PDSS2: variants seen among roughly 807,000 people sequenced by gnomAD.
PDSS2 encodes decaprenyl diphosphate synthase subunit 2.
Under a neutral mutation model 44.5 loss-of-function variants are expected in PDSS2, and 31 were observed. The observed-to-expected ratio is 0.70, with a 90% confidence interval of 0.52 to 0.94. The LOEUF (loss-of-function observed/expected upper bound fraction) is 0.94, where lower values mean the gene tolerates loss of function less well. Among genes scored for constraint, PDSS2 ranks in the 40% least tolerant of loss-of-function variants. The pLI, the probability that PDSS2 is intolerant of heterozygous loss-of-function variation, is 0.00. For synonymous variants in PDSS2, 157 were observed against 180.3 expected, an observed-to-expected ratio of 0.87 and a Z score of 1.03; for missense variants, 452 against 482.2, an observed-to-expected ratio of 0.94 and a Z score of 0.59.
At chr6:107,433,937 G>A (rs113791974) in intron 1 of PDSS2, among the ~76,000 whole-genome samples, 19 of 152,096 alleles carry the variant, frequency 1.2e-4, no homozygotes, top group South Asian at 8.3e-4. Flanking sequence ...AAAAATAATC[G>A]AATAATTTGA....
intron 1 of PDSS2, among the ~76,000 whole-genome samples, chr6:107,353,702 A>G (rs1778502419): frequency 1.3e-5 from 2 of 152,274 alleles, no homozygotes; most frequent in South Asian, 4.1e-4. Context: ...CCAGTTCTCG[A>G]AAGTGCCAAA....
chr6:107,204,441 T>C (rs569903258), intron 6 of PDSS2, among the ~76,000 whole-genome samples: 7 of 152,348 alleles, frequency 4.6e-5, no homozygotes, highest in Admixed American at 3.9e-4. Flanking sequence ...TATTTTTACA[T>C]AAACCAGTCT....
At chr6:107,335,027 C>T (rs1342251817) in intron 1 of PDSS2, among the ~76,000 whole-genome samples, 2 of 151,960 alleles carry the variant, frequency 1.3e-5, no homozygotes, top group Non-Finnish European at 2.9e-5. Flanking sequence ...TGGCATGTGC[C>T]TGTAGTCTCA....
At chr6:107,173,592 A>AAAAAAC (rs1562352185) in intron 7 of PDSS2, among the ~76,000 whole-genome samples, 5 of 150,324 alleles carry the variant, frequency 3.3e-5, no homozygotes, top group African/African-American at 1.2e-4. Flanking sequence ...AAAAAAAAAA[A>AAAAAAC]AAAAACGCTT....
intron 1 of PDSS2, among the ~76,000 whole-genome samples, chr6:107,418,311 A>G (rs578238289): frequency 2.6e-5 from 4 of 152,342 alleles, no homozygotes; most frequent in South Asian, 4.1e-4. Flanking sequence ...GTGATGAGGT[A>G]CAAGTCAAAG....
chr6:107,209,479 G>A (rs1198779742), intron 6 of PDSS2, among the ~76,000 whole-genome samples: 1 of 150,894 alleles, frequency 6.6e-6, no homozygotes, highest in Non-Finnish European at 1.5e-5. Flanking sequence ...GGAATTTTAA[G>A]TTGGCAGCCA....
intron 1 of PDSS2, among the ~76,000 whole-genome samples, chr6:107,398,134 T>C (rs1780004009): frequency 6.6e-6 from 1 of 152,208 alleles, no homozygotes; most frequent in Non-Finnish European, 1.5e-5. Flanking sequence ...ATATTCACAA[T>C]TATCTGAAAA....
rs184174063 is a variant in PDSS2 at position 107,223,076 on chromosome 6, G to A, written c.703-10794C>T. On this transcript the variant is annotated intron_variant, in intron 4 of 7. Transcript: ENST00000369037. ...TGATTCTCCTGCCTCAGCCTCCTGA[G>A]TAGCTGGGATTACAGGTGTGCGTCA... is the stretch of plus-strand genomic sequence containing the variant. Among the ~76,000 whole-genome samples, 1,388 of 149,074 alleles carry A rather than the reference G, an allele frequency of 9.3e-3. 22 individuals carry two copies. The highest frequency in any genetic ancestry group is 0.034 in the African/African-American group (1,310 of 38,866).
chr6:107,425,952 C>T (rs1220290996), intron 1 of PDSS2, among the ~76,000 whole-genome samples: 2 of 146,904 alleles, frequency 1.4e-5, no homozygotes, highest in Admixed American at 1.4e-4. Flanking sequence ...CAGAGCGAGA[C>T]TTCGTCTCGA....
intron 1 of PDSS2, among the ~76,000 whole-genome samples, chr6:107,420,205 A>G (rs1780781608): frequency 6.6e-6 from 1 of 152,180 alleles, no homozygotes; most frequent in Non-Finnish European, 1.5e-5. Context: ...TCCATAAAAA[A>G]TTCTCCTTCC....
intron 1 of PDSS2, among the ~76,000 whole-genome samples, chr6:107,339,480 A>G (rs1778011410): frequency 6.6e-6 from 1 of 152,198 alleles, no homozygotes; most frequent in African/African-American, 2.4e-5. Context: ...GCATGGATGC[A>G]ATGGTGAGCA....
At chr6:107,212,069 T>A in intron 5 of PDSS2, 40 bp downstream of exon 5, 1 of 1,541,748 alleles carries the variant, frequency 6.5e-7, no homozygotes, top group Non-Finnish European at 9.0e-7. Flanking sequence ...TCGTTTTAGC[T>A]ATTTAAGTAC....
intron 1 of PDSS2, among the ~76,000 whole-genome samples, chr6:107,435,112 TA>T (rs942375258): frequency 6.6e-6 from 1 of 151,124 alleles, no homozygotes; most frequent in Non-Finnish European, 1.5e-5. Flanking sequence ...TCTCATCTCT[TA>T]AAAAAAAATT....
chr6:107,252,174 G>C (rs1417942280), intron 3 of PDSS2, among the ~76,000 whole-genome samples: 1 of 152,094 alleles, frequency 6.6e-6, no homozygotes, highest in East Asian at 1.9e-4. Context: ...GCCCTACTCT[G>C]CATGCTGATT....
At chr6:107,205,867 G>A (rs775797349) in intron 6 of PDSS2, among the ~76,000 whole-genome samples, 1 of 152,120 alleles carries the variant, frequency 6.6e-6, no homozygotes, top group Non-Finnish European at 1.5e-5. Context: ...GGTGCTGAAC[G>A]GGTATCGAGA....
chr6:107,180,417 TA>T (rs1221469230), intron 7 of PDSS2, among the ~76,000 whole-genome samples: 1 of 152,174 alleles, frequency 6.6e-6, no homozygotes, highest in Non-Finnish European at 1.5e-5. Context: ...ATCATTTGAT[TA>T]AAAATATACT....
At chr6:107,339,732 G>C (rs558206878) in intron 1 of PDSS2, among the ~76,000 whole-genome samples, 4 of 152,046 alleles carry the variant, frequency 2.6e-5, no homozygotes, top group Non-Finnish European at 2.9e-5. Flanking sequence ...AAACAGGTAA[G>C]GGGGGTATAT....
chr6:107,385,421 C>A (rs1209288018), intron 1 of PDSS2, among the ~76,000 whole-genome samples: 1 of 151,992 alleles, frequency 6.6e-6, no homozygotes, highest in Non-Finnish European at 1.5e-5. Flanking sequence ...CCTCTTGGAT[C>A]AGGGAATGAG....
At chr6:107,427,614 G>A (rs993023535) in intron 1 of PDSS2, among the ~76,000 whole-genome samples, 1 of 152,130 alleles carries the variant, frequency 6.6e-6, no homozygotes, top group African/African-American at 2.4e-5. Context: ...CAGATATTTT[G>A]TTTTGGTTTT....
Sources: allele counts gnomAD v4.1 joint callset (sites outside exome capture counted in the v4.1 genomes callset), GRCh38; gene constraint gnomAD v4.1.1; transcripts MANE v1.5; gene names NCBI Gene and HGNC (gene_info 2026-07-23, HGNC 2026-07-21).